Variants in PRKAG2 observed in about 807,000 individuals in gnomAD.
The protein encoded by PRKAG2 is protein kinase AMP-activated non-catalytic subunit gamma 2, also known as 5'-AMP-activated protein kinase subunit gamma-2.
A neutral mutation model predicts 69.6 loss-of-function variants in PRKAG2; 26 were observed. The observed-to-expected ratio is 0.37, with a 90% CI of 0.27 to 0.52. The LOEUF (loss-of-function observed/expected upper bound fraction) is 0.52, where lower values mean the gene tolerates loss of function less well. Ranked by LOEUF, PRKAG2 falls within the 20% of genes least tolerant of loss-of-function variation. PRKAG2 has a pLI of 0.90. For synonymous variants in PRKAG2, 293 were observed against 285.0 expected, an observed-to-expected ratio of 1.03 and a Z score of -0.28; for missense variants, 557 against 740.0, an observed-to-expected ratio of 0.75 and a Z score of 2.87.
intron 1 of PRKAG2, among the ~76,000 whole-genome samples, chr7:151,859,080 C>T (rs1231543836): frequency 6.6e-6 from 1 of 152,204 alleles, no homozygotes; most frequent in Non-Finnish European, 1.5e-5. Context: ...GAAGCCAGAC[C>T]CTGGCCAGGT....
chr7:151,721,077 T>TGGAGGGGACAC (rs1272407844), intron 3 of PRKAG2, among the ~76,000 whole-genome samples: 1 of 67,000 alleles, frequency 1.5e-5, no homozygotes, highest in Non-Finnish European at 3.0e-5. Flanking sequence ...GCAGAGGGGA[T>TGGAGGGGACAC]GGAGGGGACA....
chr7:151,848,442 T>C (rs554919821), intron 1 of PRKAG2, among the ~76,000 whole-genome samples: 1 of 150,834 alleles, frequency 6.6e-6, no homozygotes, highest in African/African-American at 2.4e-5. Context: ...AAATTTCTAT[T>C]CTTCAGAAAT....
At position 151,786,492 on chromosome 7, in the gene PRKAG2, G is replaced by A; in HGVS notation, c.164C>T (p.Ser55Phe). The A allele has an allele frequency of 6.2e-7, 1 of 1,612,788 alleles. No homozygotes were observed. Among genetic ancestry groups the A allele is most frequent in the Non-Finnish European group, 8.5e-7 (1 of 1,179,572 alleles). Residue 55 changes from serine to phenylalanine, a missense_variant, in exon 2 of 16, where the codon TCC (serine) becomes TTC (phenylalanine). Transcript: ENST00000287878. ...MPLLDGDLEG[S>F]GKHSSRKVDS... Reference sequence around the variant, plus strand: ...TACCTTTCGAGAGGAATGCTTTCCGGAACCCTCCAGGTCTCCGTCCAGGAG... The same window carrying A: ...TACCTTTCGAGAGGAATGCTTTCCGAAACCCTCCAGGTCTCCGTCCAGGAG...
chr7:151,700,973 G>T (rs527670582), intron 3 of PRKAG2, among the ~76,000 whole-genome samples: 2 of 151,498 alleles, frequency 1.3e-5, no homozygotes, highest in African/African-American at 4.9e-5. Flanking sequence ...AGACCACAGA[G>T]CATTATGCAG....
At chr7:151,737,354 AAAAG>A (rs1373407191) in intron 3 of PRKAG2, among the ~76,000 whole-genome samples, 1 of 151,410 alleles carries the variant, frequency 6.6e-6, no homozygotes, top group African/African-American at 2.4e-5. Flanking sequence ...TAAAAAAAAA[AAAAG>A]AGAGATTTAG....
chr7:151,795,890 T>TAAATATATATATATATATATATATAA (rs1491286413), intron 1 of PRKAG2, among the ~76,000 whole-genome samples: 1 of 96,604 alleles, frequency 1.0e-5, no homozygotes, highest in African/African-American at 4.4e-5. Context: ...TATATATATA[T>TAAATATATATATATATATATATATAA]CACGATAATA....
intron 14 of PRKAG2, among the ~76,000 whole-genome samples, chr7:151,562,308 G>A (rs75806242): frequency 0.018 from 2,697 of 148,850 alleles, 70 homozygotes; most frequent in African/African-American, 0.062. Flanking sequence ...GCTCTGTGCC[G>A]GCTGCGCCCT....
intron 3 of PRKAG2, among the ~76,000 whole-genome samples, chr7:151,710,903 T>C (rs1585965812): frequency 1.3e-5 from 2 of 152,126 alleles, no homozygotes; most frequent in Non-Finnish European, 2.9e-5. Context: ...CAGTGCTGGG[T>C]CCAGAGTACT....
At position 151,575,882 on chromosome 7, in the gene PRKAG2, T is replaced by C. The variant is rs147189961; in HGVS notation, c.946+489A>G. Among the ~76,000 whole-genome samples, 189 of 144,412 alleles carry C rather than the reference T, an allele frequency of 1.3e-3. 1 individual carries two copies. The highest frequency in any genetic ancestry group is 4.3e-3 in the African/African-American group (164 of 38,252). 94.7% of individuals were successfully genotyped at this position (144,412 alleles called of 152,430 possible). ...TAAAAGTTACAACAGTGTGTAGAGT[T>C]CTCAATGAGGCGGCAAAAAAAAAAA... On this transcript the variant is annotated intron_variant, in intron 7 of 15. Coordinates refer to ENST00000287878, the MANE Select transcript of PRKAG2 (RefSeq NM_016203.4).
chr7:151,685,010 C>T (rs1344152781), intron 3 of PRKAG2, among the ~76,000 whole-genome samples: 1 of 152,200 alleles, frequency 6.6e-6, no homozygotes, highest in Non-Finnish European at 1.5e-5. Context: ...GGTATCAGTA[C>T]CACTTAGGCC....
At chr7:151,802,743 G>T (rs1017099965) in intron 1 of PRKAG2, among the ~76,000 whole-genome samples, 6 of 151,972 alleles carry the variant, frequency 3.9e-5, no homozygotes, top group Admixed American at 6.6e-5. Flanking sequence ...GGCATTCAGT[G>T]CACCCCAGGA....
Position 151,828,229 on chromosome 7 carries a change from G to T in PRKAG2, c.115-41688C>A, listed in dbSNP as rs561033672. Among the ~76,000 whole-genome samples the T allele has an allele frequency of 3.3e-5, 5 of 152,332 alleles. No individual in the cohort carries two copies. In the South Asian group the frequency reaches 1.0e-3, roughly 32 times the overall value. ...AAGAGCTACCTCTCCTTCCCACAGA[G>T]CCTGGAGATAGGTCCCTGGTCACAG... On this transcript the variant is annotated intron_variant, in intron 1 of 15. Coordinates refer to ENST00000287878, the MANE Select transcript of PRKAG2 (RefSeq NM_016203.4). This position sits in a 1 kb window ranked among gnomAD's most constrained non-coding sequence, Gnocchi z 4.6.
chr7:151,650,260 C>T (rs967181508), intron 4 of PRKAG2, among the ~76,000 whole-genome samples: 32 of 151,328 alleles, frequency 2.1e-4, no homozygotes, highest in African/African-American at 7.3e-4. Flanking sequence ...TGACTATTTT[C>T]CTGCTGAGAA....
intron 5 of PRKAG2, among the ~76,000 whole-genome samples, chr7:151,599,581 G>A (rs1001259954): frequency 6.6e-6 from 1 of 152,128 alleles, no homozygotes; most frequent in African/African-American, 2.4e-5. Context: ...GGTGGTTTCA[G>A]GATGAAACTG....
intron 1 of PRKAG2, among the ~76,000 whole-genome samples, chr7:151,787,854 G>A (rs1359657374): frequency 1.3e-5 from 2 of 152,152 alleles, no homozygotes; most frequent in Non-Finnish European, 2.9e-5. Flanking sequence ...TTAGGACACA[G>A]GCACCTACAA....
chr7:151,788,991 C>G lies in PRKAG2; in HGVS notation c.115-2450G>C, dbSNP rs2077145288. Among the ~76,000 whole-genome samples the G allele has an allele frequency of 3.3e-5, 5 of 152,184 alleles. No individual in the cohort carries two copies. The South Asian group carries it at 1.0e-3, about 32-fold the overall frequency. On this transcript the variant is annotated intron_variant, in intron 1 of 15. Transcript: ENST00000287878. This position sits in a 1 kb window ranked among gnomAD's most constrained non-coding sequence, Gnocchi z 4.6. ...GAGTTTATTTCTGGGCTCTCCATTC[C>G]ATTCCATTGGTCTATATGTCTGTAT...
chr7:151,794,090 G>A (rs2077380472), intron 1 of PRKAG2, among the ~76,000 whole-genome samples: 1 of 152,152 alleles, frequency 6.6e-6, no homozygotes, highest in Non-Finnish European at 1.5e-5. Flanking sequence ...TGGTGGTCCT[G>A]GTTCCCACAA....
chr7:151,778,029 A>G (rs2076475200), intron 3 of PRKAG2, among the ~76,000 whole-genome samples: 1 of 152,106 alleles, frequency 6.6e-6, no homozygotes, highest in African/African-American at 2.4e-5. Flanking sequence ...ATAATTTTTT[A>G]GACTTGAATT....
At chr7:151,598,310 T>TG (rs1815133688) in intron 5 of PRKAG2, among the ~76,000 whole-genome samples, 1 of 151,094 alleles carries the variant, frequency 6.6e-6, no homozygotes. Context: ...GGGAATGGGG[T>TG]GGGGGTATGA....
Sources: gnomAD v4.1 joint callset for allele counts (sites outside exome capture counted in the v4.1 genomes callset) on GRCh38, gnomAD v4.1.1 for gene constraint, Gnocchi (gnomAD v3.1) non-coding constraint, MANE v1.5 for transcripts, NCBI Gene and HGNC (gene_info 2026-07-23, HGNC 2026-07-21) for gene names.